The following THSD7B variants were observed in gnomAD, a reference collection of about 807,000 sequenced individuals.
THSD7B encodes the protein thrombospondin type-1 domain-containing protein 7B.
In THSD7B, 138 loss-of-function variants were observed where a neutral mutation model predicts 213.6. That is an observed-to-expected ratio of 0.65 (90% CI 0.56 to 0.74). The LOEUF is 0.74. THSD7B is among the 30% of genes least tolerant of loss of function. The probability of loss-of-function intolerance (pLI) is 0.00; values close to 1 mark genes in which losing one functional copy is unlikely to be tolerated. For missense variants in THSD7B, 1,931 were observed against 1,991.5 expected (o/e 0.97, Z 0.58); for synonymous variants, 742 against 687.0 (o/e 1.08, Z -1.25).
intron 1 of THSD7B, among the ~76,000 whole-genome samples, chr2:136,873,718 C>T (rs186481890): frequency 3.9e-4 from 59 of 152,244 alleles, no homozygotes; most frequent in African/African-American, 1.2e-3. Flanking sequence ...ATAATGACAA[C>T]CCTTTAGTGA....
At position 137,405,706 on chromosome 2, in the gene THSD7B, C is replaced by T. The variant is rs780171760; in HGVS notation, c.2594C>T (p.Thr865Ile). ...NGMPLLVQEC[T>I]VPCREDCTFT... is the part of the protein sequence containing the mutation. The stretch of plus-strand genomic sequence containing the variant: ...ATGCCTCTCCTTGTGCAAGAATGCA[C>T]AGTCCCATGTCGAGAAGACTGCACC... The change falls in exon 13 of 28, where the codon ACA becomes ATA. Residue 865 changes from threonine (T) to isoleucine (I), a missense_variant. Transcript: ENST00000409968. 1 of 1,613,776 alleles carries T rather than the reference C, an allele frequency of 6.2e-7. No individual in the cohort carries two copies. Among genetic ancestry groups the T allele is most frequent in the Non-Finnish European group, 8.5e-7 (1 of 1,179,832 alleles).
chr2:137,361,235 A>C (rs924833622), intron 12 of THSD7B, among the ~76,000 whole-genome samples: 1 of 152,216 alleles, frequency 6.6e-6, no homozygotes, highest in African/African-American at 2.4e-5. Flanking sequence ...CGTCACCATC[A>C]TCAAAGACCA....
At chr2:137,294,189 T>C (rs1224488206) in intron 12 of THSD7B, among the ~76,000 whole-genome samples, 1 of 152,142 alleles carries the variant, frequency 6.6e-6, no homozygotes, top group Non-Finnish European at 1.5e-5. Context: ...AGCAAATGTG[T>C]TTCATTCATC....
intron 20 of THSD7B, among the ~76,000 whole-genome samples, chr2:137,625,035 T>C (rs1323399446): frequency 6.6e-6 from 1 of 152,174 alleles, no homozygotes; most frequent in Non-Finnish European, 1.5e-5. Context: ...TGTATGTTTA[T>C]TGTGGCACTA....
intron 2 of THSD7B, among the ~76,000 whole-genome samples, chr2:136,990,384 G>A (rs757694161): frequency 6.6e-6 from 1 of 152,182 alleles, no homozygotes; most frequent in African/African-American, 2.4e-5. Context: ...TCAGCCCAAG[G>A]TGATCAAGAT....
intron 17 of THSD7B, among the ~76,000 whole-genome samples, chr2:137,578,826 T>C (rs1270171106): frequency 6.6e-6 from 1 of 152,124 alleles, no homozygotes; most frequent in Admixed American, 6.6e-5. Flanking sequence ...ATTCTGGCTA[T>C]ATAGGTGTTT....
At chr2:136,864,266 GGTACACACAGT>G in intron 1 of THSD7B, among the ~76,000 whole-genome samples, 1 of 152,072 alleles carries the variant, frequency 6.6e-6, no homozygotes, top group Non-Finnish European at 1.5e-5. Flanking sequence ...TTTGGTGTTG[GGTACACACAGT>G]GTGTTCTCTG....
At chr2:137,667,664 G>A in intron 26 of THSD7B, 110 bp from the exon 27 acceptor site, 1 of 828,050 alleles carries the variant, frequency 1.2e-6, no homozygotes, top group East Asian at 2.7e-5. Flanking sequence ...TGCTGTTCAA[G>A]TACAGAACTG....
At chr2:137,411,582 A>T (rs1387033729) in intron 13 of THSD7B, 27 bp from the exon 14 acceptor site, 8 of 1,579,478 alleles carry the variant, frequency 5.1e-6, no homozygotes, top group Non-Finnish European at 6.0e-6. Flanking sequence ...TAAGCATTTA[A>T]TATCTTAATG....
chr2:137,210,631 C>G (rs1681082189), intron 7 of THSD7B, among the ~76,000 whole-genome samples: 1 of 151,942 alleles, frequency 6.6e-6, no homozygotes, highest in Admixed American at 6.6e-5. Context: ...TAGGAAATTA[C>G]TGGGCTGACT....
chr2:136,822,141 C>T (rs926986739), intron 1 of THSD7B, among the ~76,000 whole-genome samples: 7 of 152,076 alleles, frequency 4.6e-5, no homozygotes, highest in Admixed American at 4.6e-4. Flanking sequence ...GAGGTTCAGT[C>T]TTCTTGCCTT....
At chr2:136,819,496 G>A (rs1291128181) in intron 1 of THSD7B, among the ~76,000 whole-genome samples, 7 of 152,074 alleles carry the variant, frequency 4.6e-5, no homozygotes, top group African/African-American at 1.4e-4. Flanking sequence ...GAATAAGACT[G>A]GAGCCAGGTA....
intron 7 of THSD7B, among the ~76,000 whole-genome samples, chr2:137,186,137 G>T (rs1680546745): frequency 6.6e-6 from 1 of 152,088 alleles, no homozygotes. Flanking sequence ...TTAGGCCTTT[G>T]TTGGATGCAG....
At chr2:136,833,437 T>TTTTTTC (rs1358310313) in intron 1 of THSD7B, among the ~76,000 whole-genome samples, 1 of 148,434 alleles carries the variant, frequency 6.7e-6, no homozygotes, top group African/African-American at 2.5e-5. Context: ...TTTTCTATTT[T>TTTTTTC]TTTTTTTTTT....
chr2:137,234,466 G>A (rs965001332), intron 9 of THSD7B, among the ~76,000 whole-genome samples: 4 of 152,174 alleles, frequency 2.6e-5, no homozygotes, highest in Admixed American at 6.5e-5. Flanking sequence ...CAGACTGGCA[G>A]ACACTGCCCA....
chr2:137,271,585 G>T (rs568352505), intron 10 of THSD7B, among the ~76,000 whole-genome samples: 1 of 150,110 alleles, frequency 6.7e-6, no homozygotes, highest in Non-Finnish European at 1.5e-5. Context: ...ATCCCTCTTC[G>T]GTTGCCACAG....
At chr2:136,965,228 A>T (rs1685294291) in intron 2 of THSD7B, among the ~76,000 whole-genome samples, 1 of 152,214 alleles carries the variant, frequency 6.6e-6, no homozygotes, top group Non-Finnish European at 1.5e-5. Context: ...TTTTCAGAAC[A>T]TTCTCTGAAT....
chr2:137,674,406 C>T (rs1363714235), intron 27 of THSD7B, among the ~76,000 whole-genome samples: 1 of 152,112 alleles, frequency 6.6e-6, no homozygotes, highest in African/African-American at 2.4e-5. Context: ...GACAACCCAC[C>T]CCATCACCAC....
intron 12 of THSD7B, among the ~76,000 whole-genome samples, chr2:137,301,634 C>G (rs1010478339): frequency 6.6e-6 from 1 of 151,666 alleles, no homozygotes; most frequent in South Asian, 2.1e-4. Flanking sequence ...TTATGTTGAT[C>G]AAGGAAGCTC....
Sources: gnomAD v4.1 joint callset for allele counts (sites outside exome capture counted in the v4.1 genomes callset) on GRCh38, gnomAD v4.1.1 for gene constraint, MANE v1.5 for transcripts, NCBI Gene and HGNC (gene_info 2026-07-23, HGNC 2026-07-21) for gene names.